OPCML: variants seen among roughly 807,000 people sequenced by gnomAD.
OPCML encodes the protein opioid binding protein/cell adhesion molecule like.
In OPCML, 13 loss-of-function variants were observed where a neutral mutation model predicts 37.8. The ratio of observed to expected loss-of-function variants is 0.34; its 90% CI spans 0.22 to 0.55. The LOEUF is 0.55. OPCML is among the 20% of genes least tolerant of loss of function. The pLI is 0.91. For synonymous variants in OPCML, 176 were observed against 168.8 expected, an observed-to-expected ratio of 1.04 and a Z score of -0.33; for missense variants, 341 against 435.6, an observed-to-expected ratio of 0.78 and a Z score of 1.93.
chr11:132,588,925 A>G (rs2096479047), intron 3 of OPCML, among the ~76,000 whole-genome samples: 1 of 152,214 alleles, frequency 6.6e-6, no homozygotes, highest in Admixed American at 6.5e-5. Context: ...AATGCAATCT[A>G]ACATAATCTG....
At chr11:132,959,990 C>T (rs1034004462) in intron 1 of OPCML, among the ~76,000 whole-genome samples, 10 of 152,202 alleles carry the variant, frequency 6.6e-5, no homozygotes, top group African/African-American at 2.4e-4. Context: ...ATCTGGGAAA[C>T]ATGTTTGGCT....
At chr11:133,356,731 C>T (rs11223446) in intron 1 of OPCML, among the ~76,000 whole-genome samples, 62,107 of 152,096 alleles carry the variant, frequency 0.41, 14,557 homozygotes, top group African/African-American at 0.66. Flanking sequence ...CAGGTTTTGT[C>T]TGTGGTTACA....
In OPCML at chr11:132,714,533, C is replaced by T. The variant is rs1784516; in HGVS notation, c.147-57214G>A. ...GGAGCTATGGCAGAGCACGCAATGCCGCATCAGAATGAAAGTGTAGAAGTT... is the reference window on the plus strand; with the variant it reads ...GGAGCTATGGCAGAGCACGCAATGCTGCATCAGAATGAAAGTGTAGAAGTT... On this transcript the variant is annotated intron_variant, in intron 2 of 7. Transcript: ENST00000524381. 2.0e-4 allele frequency among the ~76,000 whole-genome samples: 31 copies of T among 152,110 alleles called. No homozygotes were observed. In the South Asian group the frequency reaches 2.5e-3, roughly 12 times the overall value.
At chr11:133,270,470 G>A (rs1048935208) in intron 1 of OPCML, among the ~76,000 whole-genome samples, 2 of 152,104 alleles carry the variant, frequency 1.3e-5, no homozygotes, top group Non-Finnish European at 2.9e-5. Context: ...TCTGATGCTT[G>A]GAGACATATA....
chr11:133,133,872 T>C (rs1275937280), intron 1 of OPCML, among the ~76,000 whole-genome samples: 1 of 152,168 alleles, frequency 6.6e-6, no homozygotes, highest in African/African-American at 2.4e-5. Flanking sequence ...TAGGTTGCAA[T>C]GACTTTACAC....
At chr11:133,067,884 A>G (rs778688979) in intron 1 of OPCML, 1 of 152,108 alleles carries the variant, frequency 6.6e-6, no homozygotes, top group African/African-American at 2.4e-5. Flanking sequence ...CTTATCATAT[A>G]TTTGTGCAAA....
chr11:133,184,425 C>T (rs1422366015), intron 1 of OPCML, among the ~76,000 whole-genome samples: 1 of 151,986 alleles, frequency 6.6e-6, no homozygotes, highest in African/African-American at 2.4e-5. Flanking sequence ...AATGAGGTAC[C>T]GCTGGCATGG....
chr11:133,104,428 C>T (rs1046463029), intron 1 of OPCML, among the ~76,000 whole-genome samples: 10 of 152,080 alleles, frequency 6.6e-5, no homozygotes, highest in African/African-American at 2.2e-4. Flanking sequence ...TCATAGGGAC[C>T]TGGAAAAAAA....
At chr11:132,851,149 A>G (rs1432526010) in intron 2 of OPCML, among the ~76,000 whole-genome samples, 2 of 152,246 alleles carry the variant, frequency 1.3e-5, no homozygotes, top group African/African-American at 4.8e-5. Context: ...GAGAAAAATC[A>G]CAGCTATTTT....
chr11:132,564,669 A>G (rs763356477), intron 3 of OPCML, among the ~76,000 whole-genome samples: 8 of 152,120 alleles, frequency 5.3e-5, no homozygotes, highest in Non-Finnish European at 8.8e-5. Context: ...ATTCATTTAC[A>G]CTGCTCCTAA....
At chr11:133,116,115 C>T (rs1949329506) in intron 1 of OPCML, among the ~76,000 whole-genome samples, 1 of 152,070 alleles carries the variant, frequency 6.6e-6, no homozygotes, top group African/African-American at 2.4e-5. Flanking sequence ...ATTACATGCA[C>T]CTGCCACCAC....
chr11:132,612,569 G>A (rs1455812738), intron 3 of OPCML, among the ~76,000 whole-genome samples: 1 of 152,160 alleles, frequency 6.6e-6, no homozygotes, highest in African/African-American at 2.4e-5. Context: ...GCTGGAAGCT[G>A]GGGGTTGATA....
At chr11:133,312,617 C>T (rs1306984071) in intron 1 of OPCML, among the ~76,000 whole-genome samples, 2 of 152,160 alleles carry the variant, frequency 1.3e-5, no homozygotes, top group Admixed American at 1.3e-4. Flanking sequence ...TTAGTGGAGG[C>T]TCAAAGAAAG....
chr11:133,314,881 C>T (rs1244631097), intron 1 of OPCML, among the ~76,000 whole-genome samples: 1 of 152,170 alleles, frequency 6.6e-6, no homozygotes, highest in Admixed American at 6.5e-5. Context: ...TGTTTGTTGT[C>T]GTGCTGTAAT....
At chr11:132,738,578 C>G (rs548575340) in intron 2 of OPCML, among the ~76,000 whole-genome samples, 32 of 152,298 alleles carry the variant, frequency 2.1e-4, no homozygotes, top group Middle Eastern at 6.8e-3. Context: ...TTGTCCTCCA[C>G]AAGCCTGATG....
intron 4 of OPCML, among the ~76,000 whole-genome samples, chr11:132,525,063 T>C (rs1375580242): frequency 6.6e-6 from 1 of 152,132 alleles, no homozygotes; most frequent in African/African-American, 2.4e-5. Context: ...CCTGAAACCT[T>C]CACTCTTCAA....
At chr11:132,650,671 T>A (rs936361785) in intron 3 of OPCML, among the ~76,000 whole-genome samples, 8 of 152,244 alleles carry the variant, frequency 5.3e-5, no homozygotes, top group African/African-American at 1.9e-4. Context: ...TTACTCTGAA[T>A]TCTACTCTTC....
intron 1 of OPCML, among the ~76,000 whole-genome samples, chr11:133,367,255 G>A (rs1167294017): frequency 6.6e-6 from 1 of 152,188 alleles, no homozygotes; most frequent in Non-Finnish European, 1.5e-5. Flanking sequence ...GGGATTACAG[G>A]CGTGAGCCAC....
intron 3 of OPCML, among the ~76,000 whole-genome samples, chr11:132,574,524 T>C (rs1435170598): frequency 6.6e-6 from 1 of 151,970 alleles, no homozygotes; most frequent in Non-Finnish European, 1.5e-5. Flanking sequence ...TGACCTATTG[T>C]TGTTCAAGAA....
Sources: allele counts gnomAD v4.1 joint callset (sites outside exome capture counted in the v4.1 genomes callset), GRCh38; gene constraint gnomAD v4.1.1; transcripts MANE v1.5; gene names NCBI Gene and HGNC (gene_info 2026-07-23, HGNC 2026-07-21).